Variants in MBNL1 observed in about 807,000 individuals in gnomAD.
The protein encoded by MBNL1 is muscleblind-like protein 1.
A neutral mutation model predicts 42.2 loss-of-function variants in MBNL1; 8 were observed. The ratio of observed to expected loss-of-function variants is 0.19; its 90% CI spans 0.11 to 0.34. The LOEUF (loss-of-function observed/expected upper bound fraction) is 0.34, where lower values mean the gene tolerates loss of function less well. MBNL1 is among the 10% of genes least tolerant of loss of function. The pLI, the probability that MBNL1 is intolerant of heterozygous loss-of-function variation, is 1.00. For missense variants in MBNL1, 309 were observed against 495.3 expected (o/e 0.62, Z 3.57); for synonymous variants, 169 against 173.9 (o/e 0.97, Z 0.22).
intron 2 of MBNL1, among the ~76,000 whole-genome samples, chr3:152,372,401 T>C (rs1216639910): frequency 6.6e-6 from 1 of 152,212 alleles, no homozygotes; most frequent in Non-Finnish European, 1.5e-5. Flanking sequence ...TTTTCAGCCT[T>C]CTTGTGCTGG....
At chr3:152,356,252 CG>C (rs1452734199) in intron 2 of MBNL1, among the ~76,000 whole-genome samples, 2 of 136,818 alleles carry the variant, frequency 1.5e-5, no homozygotes, top group Admixed American at 1.4e-4. Context: ...AAAAAGCACC[CG>C]AAAAACTTAT....
At chr3:152,456,234 G>C in intron 7 of MBNL1, 33 bp from the exon 8 acceptor site, 1 of 1,441,824 alleles carries the variant, frequency 6.9e-7, no homozygotes, top group South Asian at 1.1e-5. Flanking sequence ...ACACTCTTCT[G>C]TATGTTCGCT....
chr3:152,278,666 C>T (rs958177961), intron 1 of MBNL1, among the ~76,000 whole-genome samples: 2 of 152,056 alleles, frequency 1.3e-5, no homozygotes, highest in African/African-American at 4.8e-5. Flanking sequence ...GCCTATTCCT[C>T]TGTAGTTGAT....
intron 2 of MBNL1, among the ~76,000 whole-genome samples, chr3:152,413,756 T>G (rs1488708251): frequency 6.6e-6 from 1 of 152,168 alleles, no homozygotes; most frequent in Non-Finnish European, 1.5e-5. Flanking sequence ...TGTAAACAGT[T>G]TTAATTAGAT....
rs143003311 is a variant in MBNL1, at chr3:152,374,163, T to G, written c.175-40778T>G. 1.1e-3 allele frequency among the ~76,000 whole-genome samples: 172 copies of G among 152,348 alleles called. 1 individual carries two copies. Among genetic ancestry groups the G allele is most frequent in the African/African-American group, 4.1e-3 (169 of 41,590 alleles). ...AAATAGAATAGGGAAATAGCCTAGC[T>G]ATAGAAACAGCACTTTTAAATTTCA... On this transcript the variant is annotated intron_variant, in intron 2 of 9. Transcript: ENST00000324210.
At chr3:152,426,477 A>G (rs2098933431) in intron 3 of MBNL1, among the ~76,000 whole-genome samples, 1 of 152,240 alleles carries the variant, frequency 6.6e-6, no homozygotes, top group South Asian at 2.1e-4. Context: ...AATTTAACCA[A>G]AAATAGGCTG....
intron 2 of MBNL1, chr3:152,335,037 G>A (rs553355250): frequency 1.1e-4 from 133 of 1,209,202 alleles, no homozygotes; most frequent in South Asian, 9.1e-4. Context: ...AGCTTCTGCT[G>A]CTGCTGCTGC....
intron 2 of MBNL1, among the ~76,000 whole-genome samples, chr3:152,329,704 TATATA>T (rs2082919329): frequency 6.8e-6 from 1 of 147,004 alleles, no homozygotes; most frequent in African/African-American, 2.5e-5. Context: ...ATTATATATA[TATATA>T]ATATATATGT....
At chr3:152,359,376 T>G (rs1408374910) in intron 2 of MBNL1, among the ~76,000 whole-genome samples, 1 of 152,246 alleles carries the variant, frequency 6.6e-6, no homozygotes, top group Non-Finnish European at 1.5e-5. Flanking sequence ...CACACAATTC[T>G]TAGTTGACTC....
At chr3:152,390,276 G>C (rs1352248642) in intron 2 of MBNL1, among the ~76,000 whole-genome samples, 1 of 134,826 alleles carries the variant, frequency 7.4e-6, no homozygotes, top group Non-Finnish European at 1.6e-5. Context: ...TTTTTATTTT[G>C]TAAACCTTTA....
intron 2 of MBNL1, among the ~76,000 whole-genome samples, chr3:152,354,550 C>T (rs2095365057): frequency 6.6e-6 from 1 of 151,886 alleles, no homozygotes; most frequent in Non-Finnish European, 1.5e-5. Context: ...TTTGGGGTCT[C>T]TTCATTTTTA....
chr3:152,414,120 G>A (rs1388424548), intron 2 of MBNL1, among the ~76,000 whole-genome samples: 1 of 152,194 alleles, frequency 6.6e-6, no homozygotes, highest in Non-Finnish European at 1.5e-5. Context: ...GGATGGTCTG[G>A]ATGGTATATA....
intron 2 of MBNL1, among the ~76,000 whole-genome samples, chr3:152,400,605 ATT>A (rs2098173290): frequency 6.6e-6 from 1 of 152,020 alleles, no homozygotes; most frequent in Non-Finnish European, 1.5e-5. Flanking sequence ...TCCTTGAAAT[ATT>A]TTCTTTTTGT....
At chr3:152,323,297 C>T in intron 2 of MBNL1, among the ~76,000 whole-genome samples, 1 of 151,852 alleles carries the variant, frequency 6.6e-6, no homozygotes, top group East Asian at 1.9e-4. Flanking sequence ...ATTCATTTAA[C>T]TAGACTTATT....
At chr3:152,268,778 T>C (rs2038056418), upstream of MBNL1, 1 of 452,494 alleles carries the variant, frequency 2.2e-6, no homozygotes, top group Non-Finnish European at 4.4e-6. Context: ...CGGCGGAAAG[T>C]TGAAGAGCGT....
chr3:152,451,098 A>C (rs1721985176), intron 6 of MBNL1, among the ~76,000 whole-genome samples: 1 of 152,200 alleles, frequency 6.6e-6, no homozygotes, highest in Non-Finnish European at 1.5e-5. Context: ...AGAAAATGGA[A>C]TTCTTTTATT....
At chr3:152,384,513 G>A (rs1337947239) in intron 2 of MBNL1, among the ~76,000 whole-genome samples, 3 of 152,050 alleles carry the variant, frequency 2.0e-5, no homozygotes. Context: ...CTTCAGATGT[G>A]GGTTTAATGA....
chr3:152,457,360 G>A (rs952376237), intron 8 of MBNL1, among the ~76,000 whole-genome samples: 5 of 152,188 alleles, frequency 3.3e-5, no homozygotes, highest in Non-Finnish European at 1.5e-5. Flanking sequence ...AAAAGAATGA[G>A]TGTCAGATGA....
At chr3:152,341,541 T>C (rs2152838323) in intron 2 of MBNL1, among the ~76,000 whole-genome samples, 1 of 152,346 alleles carries the variant, frequency 6.6e-6, no homozygotes, top group East Asian at 1.9e-4. Flanking sequence ...GCCATCACTC[T>C]GTTCATAAGA....
Sources: allele counts gnomAD v4.1 joint callset (sites outside exome capture counted in the v4.1 genomes callset), GRCh38; gene constraint gnomAD v4.1.1; transcripts MANE v1.5; gene names NCBI Gene and HGNC (gene_info 2026-07-23, HGNC 2026-07-21).